Variants in SMARCA2 observed in about 807,000 individuals in gnomAD.
SMARCA2 encodes the protein SWI/SNF related BAF chromatin remodeling complex subunit ATPase 2, also known as SWI/SNF-related matrix-associated actin-dependent regulator of chromatin subfamily A member 2.
Under a neutral mutation model 199.8 loss-of-function variants are expected in SMARCA2, and 61 were observed. That is an observed-to-expected ratio of 0.31 (90% CI 0.25 to 0.38). The LOEUF is 0.38. SMARCA2 is among the 10% of genes least tolerant of loss of function. SMARCA2 has a pLI of 1.00. For missense variants in SMARCA2, 1,344 were observed against 2,012.2 expected, an observed-to-expected ratio of 0.67 and a Z score of 6.35; for synonymous variants, 935 against 732.0, an observed-to-expected ratio of 1.28 and a Z score of -4.48.
chr9:2,154,917 C>A (rs988586906), intron 27 of SMARCA2, among the ~76,000 whole-genome samples: 1 of 152,140 alleles, frequency 6.6e-6, no homozygotes, highest in African/African-American at 2.4e-5. Context: ...GAGTTCCTGA[C>A]TGTGTTAAGA....
intron 27 of SMARCA2, among the ~76,000 whole-genome samples, chr9:2,126,441 G>T (rs1170137481): frequency 6.6e-6 from 1 of 152,200 alleles, no homozygotes; most frequent in Non-Finnish European, 1.5e-5. Flanking sequence ...GATGCTTCCT[G>T]TCTTTGGTGT....
At chr9:2,191,462 G>T in intron 33 of SMARCA2, 54 bp downstream of exon 33, 1 of 1,596,248 alleles carries the variant, frequency 6.3e-7, no homozygotes, top group Non-Finnish European at 8.6e-7. Context: ...CCTGCTTGCT[G>T]GCCTCTTGCA....
At chr9:2,160,298 G>A (rs919673068) in intron 27 of SMARCA2, 13 of 410,380 alleles carry the variant, frequency 3.2e-5, no homozygotes, top group African/African-American at 1.6e-4. Context: ...CTGTAGGATC[G>A]TGATGGAAAT....
chr9:2,087,163 G>T (rs1028317109), intron 18 of SMARCA2, 92 bp downstream of exon 18: 10 of 1,477,486 alleles, frequency 6.8e-6, no homozygotes, highest in South Asian at 1.3e-5. Context: ...CAGAACACCC[G>T]CAGGGTGGTT....
At chr9:2,079,178 A>T (rs1237559090) in intron 14 of SMARCA2, among the ~76,000 whole-genome samples, 1 of 152,202 alleles carries the variant, frequency 6.6e-6, no homozygotes, top group East Asian at 1.9e-4. Context: ...GCCCGTCAGC[A>T]CACTTGGGAC....
Position 2,192,810 on chromosome 9 carries a change from C to T in SMARCA2, c.*71C>T. 2.7e-6 allele frequency: 3 copies of T among 1,116,732 alleles called. No homozygotes were observed. Among genetic ancestry groups the T allele is most frequent in the Non-Finnish European group, 4.1e-6 (3 of 729,212 alleles). 69.2% of individuals were successfully genotyped at this position (1,116,732 alleles called of 1,614,324 possible). On this transcript the variant is annotated 3_prime_UTR_variant, in exon 34 of 34. Transcript: ENST00000349721. The stretch of plus-strand genomic sequence containing the variant: ...CTGTCTCATTTCTACCCAGTGAGTT[C>T]ATTTGTCATATAGGCACTGGGTTGT...
At chr9:2,101,654 T>C in intron 22 of SMARCA2, 38 bp downstream of exon 22, 1 of 1,121,276 alleles carries the variant, frequency 8.9e-7, no homozygotes, top group Non-Finnish European at 1.3e-6. Flanking sequence ...AAAAAAAATG[T>C]TGTTGGCCTT....
At position 2,186,880 on chromosome 9, in the gene SMARCA2, C is replaced by T. The variant is rs535707872; in HGVS notation, c.4594+652C>T. On this transcript the variant is annotated intron_variant, in intron 32 of 33. Coordinates refer to ENST00000349721, the MANE Select transcript of SMARCA2 (RefSeq NM_003070.5). Reference sequence around the variant, plus strand: ...ATATTAGCCTACTACACATTTTCTACAACACTGCTGCTAATGCCACCTATC... The same window carrying T: ...ATATTAGCCTACTACACATTTTCTATAACACTGCTGCTAATGCCACCTATC... Among the ~76,000 whole-genome samples, 24 of 152,328 alleles carry T rather than the reference C, an allele frequency of 1.6e-4. 1 individual carries two copies. In the South Asian group the frequency reaches 4.6e-3, roughly 29 times the overall value.
At chr9:2,159,779 A>G (rs768964048) in intron 27 of SMARCA2, 1 of 1,588,202 alleles carries the variant, frequency 6.3e-7, no homozygotes, top group South Asian at 1.1e-5. Context: ...ATGAAAACAC[A>G]GCCTTTCCCC....
intron 1 of SMARCA2, among the ~76,000 whole-genome samples, chr9:2,028,505 T>A (rs1818926450): frequency 6.6e-6 from 1 of 152,234 alleles, no homozygotes; most frequent in Non-Finnish European, 1.5e-5. Context: ...AAGATTGTAT[T>A]TTTCCCGGTT....
intron 21 of SMARCA2, among the ~76,000 whole-genome samples, chr9:2,099,433 C>T (rs1489730026): frequency 6.6e-6 from 1 of 152,104 alleles, no homozygotes; most frequent in African/African-American, 2.4e-5. Context: ...GAAATGACCC[C>T]TTGAGCCATG....
At chr9:2,164,458 CA>C (rs944080404) in intron 28 of SMARCA2, among the ~76,000 whole-genome samples, 4 of 152,276 alleles carry the variant, frequency 2.6e-5, no homozygotes, top group Non-Finnish European at 4.4e-5. Context: ...CCCAGAATCC[CA>C]GAAATGGGAT....
At chr9:2,168,957 CTTG>C (rs749519017) in intron 28 of SMARCA2, among the ~76,000 whole-genome samples, 11 of 152,106 alleles carry the variant, frequency 7.2e-5, no homozygotes, top group African/African-American at 1.2e-4. Flanking sequence ...TAAGGTAGCA[CTTG>C]TTGTTTTCAG....
chr9:2,165,886 C>A (rs1825907988), intron 28 of SMARCA2, among the ~76,000 whole-genome samples: 1 of 152,138 alleles, frequency 6.6e-6, no homozygotes, highest in African/African-American at 2.4e-5. Flanking sequence ...CTCTGCCTGG[C>A]CCAACTTCCC....
At chr9:2,184,916 G>C (rs1827329088) in intron 31 of SMARCA2, among the ~76,000 whole-genome samples, 1 of 151,782 alleles carries the variant, frequency 6.6e-6, no homozygotes, top group Non-Finnish European at 1.5e-5. Flanking sequence ...TTGTTCATTT[G>C]GTGCAAACTG....
At chr9:2,085,975 AG>A (rs1305727716) in intron 17 of SMARCA2, 1 of 152,236 alleles carries the variant, frequency 6.6e-6, no homozygotes, top group African/African-American at 2.4e-5. Context: ...CTGTGTAGAC[AG>A]GAAGGAGGAC....
At chr9:2,105,949 A>C (rs916247616) in intron 23 of SMARCA2, among the ~76,000 whole-genome samples, 3 of 152,230 alleles carry the variant, frequency 2.0e-5, no homozygotes, top group African/African-American at 7.2e-5. Context: ...TCCTGGAAAC[A>C]AATTGCTTTC....
rs2130292322 is a variant in SMARCA2 at position 2,047,300 on chromosome 9, T to C, written c.862T>C (p.Ser288Pro). The C allele has an allele frequency of 1.0e-6, 1 of 992,824 alleles. No individual in the cohort carries two copies. Among genetic ancestry groups the C allele is most frequent in the Non-Finnish European group, 1.2e-6 (1 of 835,550 alleles). The allele number at this position is 992,824 out of a possible 1,614,324, so 61.5% of individuals were successfully genotyped here. Residue 288 changes from serine to proline, a missense_variant, in exon 5 of 34, where the codon TCG becomes CCG. Physicochemically the swap from Ser to Pro is moderately conservative, Grantham distance 74. This residue lies in a region of SMARCA2 where 117 missense variants were observed against 99.1 expected (regional missense o/e 1.18). Transcript: ENST00000349721. ...GGTGCCCGCGCCCGGCGGCCGGCCC[T>C]CGCCCGCGCCCCCCGCAGCCGCGCA... Reference protein sequence around the residue: ...LPVPAPGGRPSPAPPAAAQPP... With the variant: ...LPVPAPGGRPPPAPPAAAQPP...
intron 27 of SMARCA2, among the ~76,000 whole-genome samples, chr9:2,141,143 A>T (rs550449864): frequency 6.9e-6 from 1 of 145,582 alleles, no homozygotes; most frequent in African/African-American, 2.6e-5. Flanking sequence ...ATTTATTCCC[A>T]TAGGATTTTC....
Sources: allele counts gnomAD v4.1 joint callset (sites outside exome capture counted in the v4.1 genomes callset), GRCh38; gene constraint gnomAD v4.1.1; regional missense constraint gnomAD v4.1.1; transcripts MANE v1.5; gene names NCBI Gene and HGNC (gene_info 2026-07-23, HGNC 2026-07-21).